Variants in POLR3C observed in about 807,000 individuals in gnomAD.
The protein encoded by POLR3C is DNA-directed RNA polymerase III subunit RPC3.
A neutral mutation model predicts 65.9 loss-of-function variants in POLR3C; 44 were observed. The observed-to-expected ratio is 0.67, with a 90% CI of 0.52 to 0.86. POLR3C has a LOEUF of 0.86. POLR3C is among the 40% of genes least tolerant of loss of function. The pLI, the probability that POLR3C is intolerant of heterozygous loss-of-function variation, is 0.00. For synonymous variants in POLR3C, 263 were observed against 231.6 expected (o/e 1.14, Z -1.23); for missense variants, 576 against 653.2 (o/e 0.88, Z 1.29).
chr1:145,842,697 C>G lies in POLR3C; in HGVS notation c.*277C>G, dbSNP rs1371525044. Among the ~76,000 whole-genome samples the G allele has an allele frequency of 6.6e-6, 1 of 151,688 alleles. No homozygotes were observed. The highest frequency in any genetic ancestry group is 2.4e-5 in the African/African-American group (1 of 41,026). ...TGTTCCCATAAAGAAGTTACCCACA[C>G]CTATGGTTACCTATATCCCTGGCAA... On this transcript the variant is annotated 3_prime_UTR_variant, in exon 15 of 15. Coordinates refer to ENST00000334163, the MANE Select transcript of POLR3C (RefSeq NM_006468.8).
At chr1:145,840,456 CT>C in intron 13 of POLR3C, 1 of 360,808 alleles carries the variant, frequency 2.8e-6, no homozygotes, top group South Asian at 2.9e-5. Context: ...AGGAGAATCA[CT>C]TAAACCCAGT....
chr1:145,838,337 C>G, intron 11 of POLR3C, 131 bp downstream of exon 11: 2 of 759,918 alleles, frequency 2.6e-6, no homozygotes, highest in Non-Finnish European at 4.5e-6. Context: ...ACATGATTCA[C>G]AGAGACATAG....
chr1:145,829,811 C>G (rs1237738933), intron 5 of POLR3C, among the ~76,000 whole-genome samples: 8 of 152,170 alleles, frequency 5.3e-5, no homozygotes, highest in African/African-American at 1.9e-4. Context: ...ATGTAGTGGT[C>G]TCTGTTTTTA....
At chr1:145,830,577 A>G (rs1423011377) in intron 5 of POLR3C, among the ~76,000 whole-genome samples, 2 of 152,028 alleles carry the variant, frequency 1.3e-5, no homozygotes, top group Non-Finnish European at 1.5e-5. Context: ...AGGTAGGTGG[A>G]TCACCTGAGG....
At position 145,833,258 on chromosome 1, in the gene POLR3C, A is replaced by G; in HGVS notation, c.679-2A>G. 6 of 1,580,598 alleles carry G rather than the reference A, an allele frequency of 3.8e-6. No homozygotes were observed. Among genetic ancestry groups the G allele is most frequent in the Non-Finnish European group, 5.2e-6 (6 of 1,151,956 alleles). On this transcript the variant is annotated splice_acceptor_variant, in intron 5 of 14. Transcript: ENST00000334163. LOFTEE classifies it high-confidence loss of function. ...AAATGTTTCTCTAAATCTTTTCCTC[A>G]GCCCATTCCAGATGATGGGATTTAT...
At chr1:145,827,110 G>A in intron 4 of POLR3C, 105 bp downstream of exon 4, 2 of 927,102 alleles carry the variant, frequency 2.2e-6, no homozygotes, top group Non-Finnish European at 3.4e-6. Context: ...TTTGCTATGT[G>A]CCAGACATCG....
In POLR3C at chr1:145,833,299, G is replaced by T. The variant is rs782038003; in HGVS notation, c.718G>T (p.Asp240Tyr). The T allele has an allele frequency of 1.2e-6, 2 of 1,613,676 alleles. No individual in the cohort carries two copies. Among genetic ancestry groups the T allele is most frequent in the South Asian group, 1.1e-5 (1 of 91,014 alleles). ...TGGGATTTATTGGCAGGCCAACCTT[G>T]ACAGATTCCACCAACACTTCCGTGA... ...DDGIYWQANL[D>Y]RFHQHFRDQA... Residue 240 changes from aspartate to tyrosine, a missense_variant, in exon 6 of 15, where the codon GAC (aspartate) becomes TAC (tyrosine). Transcript: ENST00000334163.
rs781996695 is a variant in POLR3C at position 145,838,144 on chromosome 1, C to G, written c.1159C>G (p.Pro387Ala). ...QKQVEDFAMI[P>A]AKEAKDMLYK... is the part of the protein sequence containing the mutation. ...GCAAGTGGAAGACTTTGCAATGATT[C>G]CTGCAAAGGAGGCAAAGGATATGCT... The change falls in exon 11 of 15, where the codon CCT becomes GCT. Residue 387 changes from proline to alanine, a missense_variant. Physicochemically the swap from Pro to Ala is conservative, Grantham distance 27. Transcript: ENST00000334163. 13 of 1,612,588 alleles carry G rather than the reference C, an allele frequency of 8.1e-6. No homozygotes were observed. Among genetic ancestry groups the G allele is most frequent in the Non-Finnish European group, 1.1e-5 (13 of 1,178,524 alleles).
At chr1:145,826,342 A>G (rs1427690271) in intron 2 of POLR3C, 112 bp from the exon 3 acceptor site, 2 of 837,686 alleles carry the variant, frequency 2.4e-6, no homozygotes, top group African/African-American at 1.7e-5. Context: ...AAGTGCAGAA[A>G]TTATCTAGCC....
intron 5 of POLR3C, among the ~76,000 whole-genome samples, chr1:145,831,531 AGAG>A (rs1264070070): frequency 3.4e-5 from 5 of 147,182 alleles, no homozygotes; most frequent in Middle Eastern, 3.5e-3. Flanking sequence ...AAAAAAAAAA[AGAG>A]AGAGTTCTAG....
At position 145,842,425 on chromosome 1, in the gene POLR3C, G is replaced by A; in HGVS notation, c.*5G>A. ...TGCACCATGAAGAGACAGTGATCCA[G>A]AAGAAGCATCTTCCTCAGAAGATCT... On this transcript the variant is annotated 3_prime_UTR_variant, in exon 15 of 15. Transcript: ENST00000334163. 6.3e-7 allele frequency: 1 copy of A among 1,584,694 alleles called. No homozygotes were observed. Among genetic ancestry groups the A allele is most frequent in the Non-Finnish European group, 8.7e-7 (1 of 1,153,956 alleles).
rs1553725848 is a variant in POLR3C, at chr1:145,826,663, A to G, written c.357A>G (p.Ser119=). The G allele has an allele frequency of 1.2e-6, 2 of 1,614,202 alleles. No individual in the cohort carries two copies. Among genetic ancestry groups the G allele is most frequent in the Non-Finnish European group, 1.7e-6 (2 of 1,180,008 alleles). Residue 119 remains serine, a synonymous_variant, in exon 3 of 15, where the codon TCA becomes TCG. Coordinates refer to ENST00000334163, the MANE Select transcript of POLR3C (RefSeq NM_006468.8). ...TGTTGAACGGCAAACTGACAATGTC[A>G]GCTGTTGTGAAGAAAGTGGCAGACC... ...ELLLNGKLTM[S]AVVKKVADRL...
In POLR3C at chr1:145,838,060, G is replaced by T; in HGVS notation, c.1075G>T (p.Gly359Trp). ...GCTTTCTTCATTCCTTTCCAGATTT[G>T]GGTCTCGCTGTGCTAGAATATTCCG... ...TLESVVQERFGSRCARIFRLV... is the reference protein window; with the variant it reads ...TLESVVQERFWSRCARIFRLV... The change falls in exon 11 of 15, where the codon GGG becomes TGG. Residue 359 changes from glycine (G) to tryptophan (W), a missense_variant. By Grantham distance (184) the Gly-to-Trp change is radical (BLOSUM62 -2). Coordinates refer to ENST00000334163, the MANE Select transcript of POLR3C (RefSeq NM_006468.8). 1 of 1,613,754 alleles carries T rather than the reference G, an allele frequency of 6.2e-7. No individual in the cohort carries two copies. Among genetic ancestry groups the T allele is most frequent in the African/African-American group, 1.3e-5 (1 of 75,038 alleles).
chr1:145,827,113 A>G, intron 4 of POLR3C, 108 bp downstream of exon 4: 2 of 916,242 alleles, frequency 2.2e-6, no homozygotes, highest in Non-Finnish European at 3.5e-6. Context: ...GCTATGTGCC[A>G]GACATCGTGG....
chr1:145,838,802 T>C (rs189543572), intron 11 of POLR3C, among the ~76,000 whole-genome samples: 21 of 152,342 alleles, frequency 1.4e-4, no homozygotes, highest in African/African-American at 4.1e-4. Flanking sequence ...AATTCTGTTA[T>C]AGTTTAAATT....
intron 10 of POLR3C, 49 bp from the exon 11 acceptor site, chr1:145,838,006 TA>T: frequency 6.3e-7 from 1 of 1,580,304 alleles, no homozygotes. Flanking sequence ...GACTGGGAAC[TA>T]AAGCTGATCT....
At chr1:145,836,720 G>T (rs1651880667) in intron 8 of POLR3C, 95 bp from the exon 9 acceptor site, 1 of 957,966 alleles carries the variant, frequency 1.0e-6, no homozygotes, top group Non-Finnish European at 1.7e-6. Context: ...TTGATAGGAG[G>T]GCTACCTGCT....
At chr1:145,830,072 C>T (rs1651168365) in intron 5 of POLR3C, among the ~76,000 whole-genome samples, 3 of 152,152 alleles carry the variant, frequency 2.0e-5, no homozygotes, top group Non-Finnish European at 2.9e-5. Flanking sequence ...TATTATAGCA[C>T]AGCAGTTCCT....
chr1:145,838,704 AAAAAC>A (rs1559152044), intron 11 of POLR3C, among the ~76,000 whole-genome samples: 1 of 150,538 alleles, frequency 6.6e-6, no homozygotes, highest in Non-Finnish European at 1.5e-5. Context: ...AAAAAAAACA[AAAAAC>A]AAAAAAGAGG....
Sources: allele counts gnomAD v4.1 joint callset (sites outside exome capture counted in the v4.1 genomes callset), GRCh38; gene constraint gnomAD v4.1.1; transcripts MANE v1.5; gene names NCBI Gene and HGNC (gene_info 2026-07-23, HGNC 2026-07-21).